Variants in ROBO1 observed in about 807,000 individuals in gnomAD.
The protein encoded by ROBO1 is roundabout guidance receptor 1.
A neutral mutation model predicts 195.9 loss-of-function variants in ROBO1; 149 were observed. The ratio of observed to expected loss-of-function variants is 0.76; its 90% CI spans 0.67 to 0.87. The LOEUF is 0.87. Among genes scored for constraint, ROBO1 ranks in the 40% least tolerant of loss-of-function variants. The probability of loss-of-function intolerance (pLI) is 0.00; values close to 1 mark genes in which losing one functional copy is unlikely to be tolerated. For missense variants in ROBO1, 1,933 were observed against 2,068.3 expected (o/e 0.93, Z 1.27); for synonymous variants, 816 against 733.2 (o/e 1.11, Z -1.82).
intron 1 of ROBO1, among the ~76,000 whole-genome samples, chr3:79,592,609 A>G (rs1477434924): frequency 6.6e-6 from 1 of 151,920 alleles, no homozygotes; most frequent in African/African-American, 2.4e-5. Flanking sequence ...GAGATTTCTC[A>G]TTCACTTCCT....
chr3:79,327,104 C>CA (rs953489505), intron 2 of ROBO1, among the ~76,000 whole-genome samples: 5 of 151,610 alleles, frequency 3.3e-5, no homozygotes, highest in Non-Finnish European at 5.9e-5. Flanking sequence ...ACATTACACA[C>CA]AAAAAAACAA....
At chr3:78,608,704 G>A (rs1703614646) in intron 28 of ROBO1, among the ~76,000 whole-genome samples, 1 of 152,032 alleles carries the variant, frequency 6.6e-6, no homozygotes. Flanking sequence ...AATGTTACTG[G>A]TGTCTGTTCA....
At chr3:79,347,881 G>A (rs1193629181) in intron 2 of ROBO1, among the ~76,000 whole-genome samples, 9 of 152,138 alleles carry the variant, frequency 5.9e-5, no homozygotes, top group African/African-American at 1.9e-4. Flanking sequence ...TGAATCATGA[G>A]CCTTAATACC....
rs555697899 is a variant in ROBO1 at position 79,732,533 on chromosome 3, A to G, written c.-51+35219T>C. 2.0e-5 allele frequency among the ~76,000 whole-genome samples: 3 copies of G among 152,238 alleles called. No homozygotes were observed. The East Asian group carries it at 5.8e-4, about 29-fold the overall frequency. ...TTCCCATTCTCAGCCAAAAGTGTTT[A>G]AAAAAAGTTCTAGTCTATGGTTTAT... On this transcript the variant is annotated intron_variant, in intron 1 of 30. Coordinates refer to ENST00000464233, the MANE Select transcript of ROBO1 (RefSeq NM_002941.4).
At chr3:79,211,110 CA>C (rs1216963848) in intron 2 of ROBO1, among the ~76,000 whole-genome samples, 1 of 151,992 alleles carries the variant, frequency 6.6e-6, no homozygotes, top group East Asian at 1.9e-4. Flanking sequence ...CGGGAGGTTG[CA>C]ATTAATACTA....
intron 2 of ROBO1, among the ~76,000 whole-genome samples, chr3:79,530,539 C>T (rs994003192): frequency 5.9e-5 from 9 of 152,060 alleles, no homozygotes; most frequent in Admixed American, 1.3e-4. Flanking sequence ...CCTTGATCTT[C>T]GCATTCCATA....
chr3:79,019,414 G>A, intron 3 of ROBO1: 1 of 986,074 alleles, frequency 1.0e-6, no homozygotes, highest in Non-Finnish European at 1.2e-6. Context: ...CGGATCAGCG[G>A]CGTCTGAAGT....
intron 2 of ROBO1, among the ~76,000 whole-genome samples, chr3:79,400,709 A>C (rs1291252705): frequency 2.0e-5 from 3 of 152,042 alleles, no homozygotes; most frequent in African/African-American, 7.2e-5. Context: ...TAAGTAGATT[A>C]TATTAGGAGG....
chr3:79,411,408 G>A (rs1239108973), intron 2 of ROBO1, among the ~76,000 whole-genome samples: 11 of 152,242 alleles, frequency 7.2e-5, no homozygotes, highest in Admixed American at 5.2e-4. Context: ...AGTGACTCTA[G>A]ACAGTAATAT....
intron 2 of ROBO1, among the ~76,000 whole-genome samples, chr3:79,582,275 C>T (rs986319191): frequency 6.6e-6 from 1 of 151,544 alleles, no homozygotes; most frequent in Non-Finnish European, 1.5e-5. Context: ...TATTTTTATG[C>T]AACCTCTTCT....
chr3:78,944,307 T>C (rs2040296608), intron 3 of ROBO1, among the ~76,000 whole-genome samples: 1 of 152,364 alleles, frequency 6.6e-6, no homozygotes, highest in South Asian at 2.1e-4. Flanking sequence ...GTGTTCACTT[T>C]GCACTTTGAT....
intron 1 of ROBO1, among the ~76,000 whole-genome samples, chr3:79,748,354 C>T (rs567564626): frequency 6.6e-6 from 1 of 152,192 alleles, no homozygotes; most frequent in South Asian, 2.1e-4. Flanking sequence ...TGAATTATAT[C>T]GTAAAACACA....
intron 1 of ROBO1, among the ~76,000 whole-genome samples, chr3:79,733,773 G>A (rs1235634851): frequency 6.6e-6 from 1 of 152,014 alleles, no homozygotes; most frequent in African/African-American, 2.4e-5. Flanking sequence ...ACTGCTTTGG[G>A]TTGTCTGTTA....
intron 3 of ROBO1, among the ~76,000 whole-genome samples, chr3:79,070,589 C>T (rs555313306): frequency 6.6e-6 from 1 of 151,740 alleles, no homozygotes; most frequent in Non-Finnish European, 1.5e-5. Context: ...GTTGTCAGTC[C>T]TTTGTGGATA....
intron 4 of ROBO1, among the ~76,000 whole-genome samples, chr3:78,788,790 T>G (rs113105990): frequency 7.9e-5 from 12 of 151,408 alleles, no homozygotes; most frequent in Middle Eastern, 3.4e-3. Flanking sequence ...CAGCTAAAAT[T>G]AAATCCAAAA....
intron 2 of ROBO1, among the ~76,000 whole-genome samples, chr3:79,482,198 C>A (rs2107386227): frequency 6.6e-6 from 1 of 152,236 alleles, no homozygotes; most frequent in African/African-American, 2.4e-5. Flanking sequence ...TTGGATAATA[C>A]ACAGATAGGC....
rs1319171956 is a variant in ROBO1, at chr3:78,963,352, A to G, written c.173-24425T>C. ...AGTGGGCAGACTCTCTTCACAAAGA[A>G]GATGATGCCTTGGATGAACATGGTG... On this transcript the variant is annotated intron_variant, in intron 3 of 30. Transcript: ENST00000464233. 3.9e-5 allele frequency among the ~76,000 whole-genome samples: 6 copies of G among 151,974 alleles called. No homozygotes were observed. The East Asian group carries it at 1.2e-3, about 29-fold the overall frequency.
chr3:79,487,979 A>C (rs769984586), intron 2 of ROBO1, among the ~76,000 whole-genome samples: 1 of 152,156 alleles, frequency 6.6e-6, no homozygotes, highest in Non-Finnish European at 1.5e-5. Context: ...TAGCCAATGA[A>C]AACATGAGGC....
At chr3:78,819,148 T>A (rs558323106) in intron 4 of ROBO1, among the ~76,000 whole-genome samples, 1 of 152,316 alleles carries the variant, frequency 6.6e-6, no homozygotes, top group East Asian at 1.9e-4. Flanking sequence ...TAATATATTC[T>A]GGATGCTAAT....
Sources: allele counts gnomAD v4.1 joint callset (sites outside exome capture counted in the v4.1 genomes callset), GRCh38; gene constraint gnomAD v4.1.1; transcripts MANE v1.5; gene names NCBI Gene and HGNC (gene_info 2026-07-23, HGNC 2026-07-21).